AJAP1: variants seen among roughly 807,000 people sequenced by gnomAD.
AJAP1 encodes the protein adherens junction-associated protein 1.
In AJAP1, 5 loss-of-function variants were observed where a neutral mutation model predicts 35.0. The observed-to-expected ratio is 0.14, with a 90% CI of 0.07 to 0.30. The LOEUF (loss-of-function observed/expected upper bound fraction) is 0.30, where lower values mean the gene tolerates loss of function less well. Among genes scored for constraint, AJAP1 ranks in the 10% least tolerant of loss-of-function variants. The pLI is 1.00. For synonymous variants in AJAP1, 284 were observed against 249.3 expected (o/e 1.14, Z -1.31); for missense variants, 586 against 571.0 (o/e 1.03, Z -0.27).
At chr1:4,657,081 T>G (rs904866354) in intron 1 of AJAP1, among the ~76,000 whole-genome samples, 2 of 152,212 alleles carry the variant, frequency 1.3e-5, no homozygotes, top group Non-Finnish European at 2.9e-5. Flanking sequence ...TGATTCCTGA[T>G]GGCAACTTAT....
intron 1 of AJAP1, among the ~76,000 whole-genome samples, chr1:4,708,824 C>G (rs1044304639): frequency 1.6e-5 from 2 of 128,158 alleles, no homozygotes; most frequent in East Asian, 9.1e-4. Context: ...CCCTGCCCCC[C>G]ACATTTCTTG....
chr1:4,660,938 G>A (rs1488956025), intron 1 of AJAP1, among the ~76,000 whole-genome samples: 1 of 152,130 alleles, frequency 6.6e-6, no homozygotes, highest in Non-Finnish European at 1.5e-5. Flanking sequence ...AGGTTTTCGG[G>A]GTCAGCCCCA....
In AJAP1 at chr1:4,791,788, T is replaced by G. The variant is rs1022932548; in HGVS notation, c.*9303T>G. The G allele has an allele frequency of 1.3e-5, 2 of 152,192 alleles. No homozygotes were observed. Among genetic ancestry groups the G allele is most frequent in the Admixed American group, 1.3e-4 (2 of 15,278 alleles). The allele number at this position is 152,192 out of a possible 1,614,324, so 9.4% of individuals were successfully genotyped here. ...GTCTAAGAGTCACAGATCTGAGAAA[T>G]AGAAGGACCAGGTCCGTGTGGATGC... is the stretch of plus-strand genomic sequence containing the variant. On this transcript the variant is annotated 3_prime_UTR_variant, in exon 6 of 6. Coordinates refer to ENST00000378191, the MANE Select transcript of AJAP1 (RefSeq NM_018836.4).
At chr1:4,763,700 C>T (rs1641620543) in intron 2 of AJAP1, among the ~76,000 whole-genome samples, 1 of 151,900 alleles carries the variant, frequency 6.6e-6, no homozygotes, top group Admixed American at 6.6e-5. Flanking sequence ...GGCAAATTCT[C>T]TTCTCTCCCT....
intron 2 of AJAP1, among the ~76,000 whole-genome samples, chr1:4,717,636 A>G (rs1442837484): frequency 1.3e-5 from 2 of 152,116 alleles, no homozygotes; most frequent in Non-Finnish European, 2.9e-5. Flanking sequence ...GAGGCCTTCC[A>G]TGTCCTTTAG....
intron 2 of AJAP1, among the ~76,000 whole-genome samples, chr1:4,717,731 G>A (rs1640427940): frequency 6.6e-6 from 1 of 152,212 alleles, no homozygotes; most frequent in Non-Finnish European, 1.5e-5. Flanking sequence ...ATCAATGCAA[G>A]CCAGCCAACC....
chr1:4,664,724 C>G (rs1042759975), intron 1 of AJAP1, among the ~76,000 whole-genome samples: 1 of 152,110 alleles, frequency 6.6e-6, no homozygotes, highest in African/African-American at 2.4e-5. Context: ...ATCTGAATGA[C>G]TCAATGACAG....
chr1:4,658,041 C>T (rs1638920962), intron 1 of AJAP1, among the ~76,000 whole-genome samples: 2 of 151,952 alleles, frequency 1.3e-5, no homozygotes, highest in Admixed American at 6.6e-5. Context: ...AGAGCTCACC[C>T]GTGGAGGGGG....
rs1425782294 is a variant in AJAP1, at chr1:4,772,307, G to T, written c.945G>T (p.Arg315=). Residue 315 remains arginine, a synonymous_variant, in exon 4 of 6, where the codon CGG becomes CGT. Transcript: ENST00000378191. ...NCCAQSGNTR[R]NSHQRKTNQQ... ...GTGCCCAAAGCGGGAACACTCGTCGGAACAGCCACCAGCGGAAGACCAACC... is the reference window on the plus strand; with the variant it reads ...GTGCCCAAAGCGGGAACACTCGTCGTAACAGCCACCAGCGGAAGACCAACC... 6.2e-7 allele frequency: 1 copy of T among 1,614,136 alleles called. No individual in the cohort carries two copies. The highest frequency in any genetic ancestry group is 8.5e-7 in the Non-Finnish European group (1 of 1,180,010).
chr1:4,790,340 C>T lies in AJAP1; in HGVS notation c.*7855C>T, dbSNP rs1642228968. On this transcript the variant is annotated 3_prime_UTR_variant, in exon 6 of 6. Coordinates refer to ENST00000378191, the MANE Select transcript of AJAP1 (RefSeq NM_018836.4). ...GCCTACCACTTAAGGCCTACAAAAC[C>T]ACATGGGAGTTTCTTTATTGCGTAT... The T allele has an allele frequency of 6.6e-6, 1 of 152,164 alleles. No homozygotes were observed. The highest frequency in any genetic ancestry group is 6.5e-5 in the Admixed American group (1 of 15,278). The allele number at this position is 152,164 out of a possible 1,614,324, so 9.4% of individuals were successfully genotyped here. A position where few individuals can be genotyped will look rare whatever the true frequency, so the allele number is the denominator to read the frequency against.
intron 2 of AJAP1, among the ~76,000 whole-genome samples, chr1:4,763,079 C>T (rs111622387): frequency 0.017 from 2,534 of 152,308 alleles, 65 homozygotes; most frequent in South Asian, 0.12. Context: ...GACCCTCCAA[C>T]CCAAGGCTTC....
intron 2 of AJAP1, among the ~76,000 whole-genome samples, chr1:4,732,758 A>T (rs573572041): frequency 2.6e-5 from 4 of 152,356 alleles, no homozygotes; most frequent in African/African-American, 9.6e-5. Flanking sequence ...GGGCTCCTTA[A>T]TACAATGGAG....
rs1018391976 is a variant in AJAP1, at chr1:4,790,257, C to G, written c.*7772C>G. ...CGCAGTCTATTCTGGGGTGGAAACA[C>G]CATTCTCTATTATTTCTCTCACATA... is the stretch of plus-strand genomic sequence containing the variant. On this transcript the variant is annotated 3_prime_UTR_variant, in exon 6 of 6. Coordinates refer to ENST00000378191, the MANE Select transcript of AJAP1 (RefSeq NM_018836.4). 3 of 152,348 alleles carry G rather than the reference C, an allele frequency of 2.0e-5. No homozygotes were observed. In the East Asian group the frequency reaches 5.8e-4, roughly 29 times the overall value. 9.4% of individuals were successfully genotyped at this position (152,348 alleles called of 1,614,324 possible).
At chr1:4,780,014 T>G (rs1276105719) in intron 5 of AJAP1, among the ~76,000 whole-genome samples, 9 of 150,808 alleles carry the variant, frequency 6.0e-5, no homozygotes, top group Non-Finnish European at 5.9e-5. Flanking sequence ...GTGTGTGGTG[T>G]GCGCCTATAA....
chr1:4,675,335 C>T (rs551514836), intron 1 of AJAP1, among the ~76,000 whole-genome samples: 25 of 152,352 alleles, frequency 1.6e-4, no homozygotes, highest in African/African-American at 5.5e-4. Context: ...AGGGAAGACA[C>T]GCGTGGGGCA....
intron 2 of AJAP1, among the ~76,000 whole-genome samples, chr1:4,768,655 C>T (rs11579209): frequency 0.39 from 59,860 of 152,096 alleles, 12,281 homozygotes; most frequent in African/African-American, 0.46. Flanking sequence ...GAGCCCCAGG[C>T]GGAGACAGGA....
At chr1:4,684,232 C>T (rs565734965) in intron 1 of AJAP1, among the ~76,000 whole-genome samples, 1 of 152,322 alleles carries the variant, frequency 6.6e-6, no homozygotes, top group East Asian at 1.9e-4. Context: ...CAGCTGTTAA[C>T]ACGCTGATAA....
Position 4,656,421 on chromosome 1 carries a change from G to A in AJAP1, c.29+967G>A, listed in dbSNP as rs926024265. Among the ~76,000 whole-genome samples, 5 of 152,346 alleles carry A rather than the reference G, an allele frequency of 3.3e-5. No individual in the cohort carries two copies. The highest frequency in any genetic ancestry group is 2.6e-4 in the Admixed American group (4 of 15,310). On this transcript the variant is annotated intron_variant, in intron 1 of 5. Transcript: ENST00000378191. The surrounding 1 kb of genome is among the most constrained non-coding windows in gnomAD (Gnocchi z 5.7). Reference sequence around the variant, plus strand: ...GTTGGAACCGCGAGCGGGGAGGACAGAGGTGGAGGCGGAGAGCAGCGTGCG... The same window carrying A: ...GTTGGAACCGCGAGCGGGGAGGACAAAGGTGGAGGCGGAGAGCAGCGTGCG...
At chr1:4,758,303 G>A (rs7537345) in intron 2 of AJAP1, among the ~76,000 whole-genome samples, 39,535 of 152,078 alleles carry the variant, frequency 0.26, 5,588 homozygotes, top group Admixed American at 0.34. Flanking sequence ...AGAAGCATCA[G>A]GGGCTGGCAT....
Sources: allele counts gnomAD v4.1 joint callset (sites outside exome capture counted in the v4.1 genomes callset), GRCh38; gene constraint gnomAD v4.1.1; non-coding constraint Gnocchi (gnomAD v3.1); transcripts MANE v1.5; gene names NCBI Gene and HGNC (gene_info 2026-07-23, HGNC 2026-07-21).